Variants in ARB2A observed in about 807,000 individuals in gnomAD.
ARB2A encodes cotranscriptional regulator ARB2A.
the ARB2A span, chr5:94,053,118 C>A: frequency 3.5e-6 from 4 of 1,148,722 alleles, no homozygotes; most frequent in Non-Finnish European, 5.0e-6. Context: ...GATAGATAAC[C>A]CACTTACTTT....
At chr5:93,941,051 G>A in the ARB2A span, among the ~76,000 whole-genome samples, 1 of 152,062 alleles carries the variant, frequency 6.6e-6, no homozygotes, top group Non-Finnish European at 1.5e-5. Context: ...TTTAAACCTA[G>A]GCTACTCAAG....
chr5:93,842,546 TAGG>T, the ARB2A span, among the ~76,000 whole-genome samples: 2 of 151,786 alleles, frequency 1.3e-5, no homozygotes, highest in African/African-American at 2.4e-5. Context: ...CAGCAAAGAC[TAGG>T]AGAACAAGGA....
chr5:93,952,791 T>A, the ARB2A span, among the ~76,000 whole-genome samples: 4 of 152,178 alleles, frequency 2.6e-5, no homozygotes, highest in Non-Finnish European at 5.9e-5. Context: ...TTCTTTATGG[T>A]CAATAACTCT....
At chr5:93,763,106 A>G in the ARB2A span, among the ~76,000 whole-genome samples, 1 of 152,252 alleles carries the variant, frequency 6.6e-6, no homozygotes, top group Non-Finnish European at 1.5e-5. Flanking sequence ...CAAATTGTAA[A>G]GACCATCGAG....
At chr5:93,700,422 G>T in the ARB2A span, among the ~76,000 whole-genome samples, 1 of 151,702 alleles carries the variant, frequency 6.6e-6, no homozygotes, top group Non-Finnish European at 1.5e-5. Flanking sequence ...CGAAAAGGAA[G>T]AAAAATGATT....
the ARB2A span, among the ~76,000 whole-genome samples, chr5:94,041,872 TGTCTTAGGCTA>T: frequency 6.6e-6 from 1 of 152,154 alleles, no homozygotes; most frequent in Non-Finnish European, 1.5e-5. Context: ...TTGCCTGGTG[TGTCTTAGGCTA>T]GTCTCCACAT....
chr5:93,895,477 T>C, the ARB2A span, among the ~76,000 whole-genome samples: 1 of 152,188 alleles, frequency 6.6e-6, no homozygotes, highest in South Asian at 2.1e-4. Context: ...CAATTAGATT[T>C]ATTGCCACAA....
At chr5:94,050,676 A>T in the ARB2A span, 17 of 1,352,606 alleles carry the variant, frequency 1.3e-5, no homozygotes, top group Non-Finnish European at 1.7e-5. Flanking sequence ...CAAAACTTTT[A>T]TTCTGAATAT....
chr5:93,749,013 C>T, the ARB2A span, among the ~76,000 whole-genome samples: 1 of 151,814 alleles, frequency 6.6e-6, no homozygotes, highest in Non-Finnish European at 1.5e-5. Flanking sequence ...TGTGAAACAG[C>T]TCTGAGAGTT....
the ARB2A span, among the ~76,000 whole-genome samples, chr5:93,840,802 G>T: frequency 6.6e-6 from 1 of 152,122 alleles, no homozygotes; most frequent in Admixed American, 6.6e-5. Flanking sequence ...CATAAAACCA[G>T]TGTGATTGCA....
At chr5:93,706,706 A>C in the ARB2A span, among the ~76,000 whole-genome samples, 1 of 152,082 alleles carries the variant, frequency 6.6e-6, no homozygotes, top group East Asian at 1.9e-4. Flanking sequence ...TGTCTACTAA[A>C]ATACAAAAAG....
chr5:94,052,061 T>A, the ARB2A span, among the ~76,000 whole-genome samples: 3 of 151,952 alleles, frequency 2.0e-5, no homozygotes, highest in Non-Finnish European at 4.4e-5. Flanking sequence ...CCACAAGTGA[T>A]CCACCCGCCT....
At chr5:93,991,582 TA>T in the ARB2A span, among the ~76,000 whole-genome samples, 1 of 150,102 alleles carries the variant, frequency 6.7e-6, no homozygotes, top group Admixed American at 6.6e-5. Context: ...GAAATAGATT[TA>T]AAAAAATAAA....
the ARB2A span, among the ~76,000 whole-genome samples, chr5:93,659,809 T>C: frequency 2.0e-5 from 3 of 152,154 alleles, no homozygotes; most frequent in Non-Finnish European, 2.9e-5. Flanking sequence ...AAATACATTA[T>C]AAACACGTCT....
At chr5:93,830,311 G>GGATATATATA in the ARB2A span, among the ~76,000 whole-genome samples, 1 of 82,268 alleles carries the variant, frequency 1.2e-5, no homozygotes, top group African/African-American at 5.2e-5. Context: ...GTGTGTGTGT[G>GGATATATATA]TATATATATA....
chr5:93,666,651 C>G, the ARB2A span, among the ~76,000 whole-genome samples: 1 of 152,126 alleles, frequency 6.6e-6, no homozygotes, highest in African/African-American at 2.4e-5. Context: ...ATGACAGGTA[C>G]TAACCAAATC....
At chr5:93,909,151 A>T in the ARB2A span, among the ~76,000 whole-genome samples, 1 of 151,148 alleles carries the variant, frequency 6.6e-6, no homozygotes, top group Middle Eastern at 3.2e-3. Context: ...ATTAAGAAAA[A>T]TCATTACTTA....
At chr5:93,624,402 T>C in the ARB2A span, among the ~76,000 whole-genome samples, 1 of 152,166 alleles carries the variant, frequency 6.6e-6, no homozygotes, top group Admixed American at 6.5e-5. Context: ...TTAGAGAGTT[T>C]CACAAAATAT....
the ARB2A span, among the ~76,000 whole-genome samples, chr5:93,765,841 T>A: frequency 6.6e-6 from 1 of 152,052 alleles, no homozygotes; most frequent in African/African-American, 2.4e-5. Flanking sequence ...AAAACAGAGA[T>A]ATAGACCAAT....
Sources: gnomAD v4.1 joint callset for allele counts (sites outside exome capture counted in the v4.1 genomes callset) on GRCh38, gnomAD v4.1.1 for gene constraint, MANE v1.5 for transcripts, NCBI Gene and HGNC (gene_info 2026-07-23, HGNC 2026-07-21) for gene names.